The following CALN1 variants were observed in gnomAD, a reference collection of about 807,000 sequenced individuals.
CALN1 encodes calneuron 1.
In CALN1, 17 loss-of-function variants were observed where a neutral mutation model predicts 30.6. The observed-to-expected ratio is 0.56, with a 90% CI of 0.38 to 0.83. The LOEUF (loss-of-function observed/expected upper bound fraction) is 0.83, where lower values mean the gene tolerates loss of function less well. CALN1 is among the 40% of genes least tolerant of loss of function. CALN1 has a pLI of 0.00. For missense variants in CALN1, 291 were observed against 354.9 expected, an observed-to-expected ratio of 0.82 and a Z score of 1.45; for synonymous variants, 156 against 131.4, an observed-to-expected ratio of 1.19 and a Z score of -1.28.
intron 3 of CALN1, among the ~76,000 whole-genome samples, chr7:72,236,011 A>G (rs1212906701): frequency 1.3e-5 from 2 of 149,140 alleles, no homozygotes; most frequent in Non-Finnish European, 3.0e-5. Flanking sequence ...AGGGAGGCAG[A>G]GGAGGGAGGA....
intron 4 of CALN1, among the ~76,000 whole-genome samples, chr7:72,072,682 A>G (rs1423518621): frequency 1.3e-5 from 2 of 152,252 alleles, no homozygotes; most frequent in African/African-American, 4.8e-5. Context: ...TTAAGAGGTT[A>G]ATAATTTTTT....
At chr7:71,837,385 A>G (rs1341579316) in intron 5 of CALN1, among the ~76,000 whole-genome samples, 1 of 152,126 alleles carries the variant, frequency 6.6e-6, no homozygotes, top group Non-Finnish European at 1.5e-5. Flanking sequence ...AAGAATAAAG[A>G]AAACATTGTG....
At chr7:72,357,571 G>C (rs1001108048) in intron 2 of CALN1, among the ~76,000 whole-genome samples, 15 of 151,744 alleles carry the variant, frequency 9.9e-5, no homozygotes, top group Non-Finnish European at 2.9e-5. Context: ...TGAGGTTTTT[G>C]AATGCTTTTA....
At chr7:72,417,892 C>A (rs1807471990) in intron 1 of CALN1, among the ~76,000 whole-genome samples, 3 of 152,204 alleles carry the variant, frequency 2.0e-5, no homozygotes, top group African/African-American at 4.8e-5. Context: ...TAAGTTTCAT[C>A]TGGAGCTCCT....
intron 3 of CALN1, among the ~76,000 whole-genome samples, chr7:72,212,256 G>C (rs1308978992): frequency 6.6e-6 from 1 of 151,852 alleles, no homozygotes; most frequent in Admixed American, 6.6e-5. Context: ...GGCTGAGGCA[G>C]GGGAATTGCC....
At chr7:72,076,156 C>A (rs1362413322) in intron 4 of CALN1, among the ~76,000 whole-genome samples, 1 of 152,002 alleles carries the variant, frequency 6.6e-6, no homozygotes, top group Non-Finnish European at 1.5e-5. Flanking sequence ...TGTGAAACTG[C>A]AACAGCCAAA....
At chr7:72,107,022 AAAAAAGAAAAAGAAAG>A (rs1807220269) in intron 3 of CALN1, among the ~76,000 whole-genome samples, 1 of 150,962 alleles carries the variant, frequency 6.6e-6, no homozygotes. Flanking sequence ...AAGAAAGAGA[AAAAAAGAAAAAGAAAG>A]AAAGAAGGAG....
At chr7:72,349,168 TA>T (rs1385692804) in intron 2 of CALN1, among the ~76,000 whole-genome samples, 1 of 152,054 alleles carries the variant, frequency 6.6e-6, no homozygotes, top group Non-Finnish European at 1.5e-5. Context: ...GAATGCTGGC[TA>T]AAAAAATCTT....
Position 72,218,174 on chromosome 7 carries a change from C to G in CALN1, c.244+60512G>C, listed in dbSNP as rs145051133. On this transcript the variant is annotated intron_variant, in intron 3 of 6. Coordinates refer to ENST00000395275, the MANE Select transcript of CALN1 (RefSeq NM_031468.4). ...TTTTTAAATAACTGTGCAGGCCAGG[C>G]GCAGTGGCTCATGCTTGCAATGCCA... Among the ~76,000 whole-genome samples, 760 of 151,772 alleles carry G rather than the reference C, an allele frequency of 5.0e-3. 8 individuals carry two copies. The highest frequency in any genetic ancestry group is 0.018 in the African/African-American group (729 of 41,456).
At position 71,787,624 on chromosome 7, in the gene CALN1, G is replaced by T; in HGVS notation, c.*151C>A. Reference sequence around the variant, plus strand: ...ATGAAGCTGAAGTGCAACCCCAGTTGCACTCAACCTTGGGTTCTTTACTGA... The same window carrying T: ...ATGAAGCTGAAGTGCAACCCCAGTTTCACTCAACCTTGGGTTCTTTACTGA... On this transcript the variant is annotated 3_prime_UTR_variant, in exon 7 of 7. Transcript: ENST00000395275. 9.4e-7 allele frequency: 1 copy of T among 1,067,072 alleles called. No individual in the cohort carries two copies. Among genetic ancestry groups the T allele is most frequent in the Non-Finnish European group, 1.3e-6 (1 of 763,168 alleles). The allele number at this position is 1,067,072 out of a possible 1,614,324, so 66.1% of individuals were successfully genotyped here. A position where few individuals can be genotyped will look rare whatever the true frequency, so the allele number is the denominator to read the frequency against.
At chr7:72,411,001 G>C (rs1249823402) in intron 1 of CALN1, among the ~76,000 whole-genome samples, 2 of 152,124 alleles carry the variant, frequency 1.3e-5, no homozygotes, top group Admixed American at 6.5e-5. Flanking sequence ...AAATCCCAAA[G>C]AATTCATGAA....
At chr7:72,050,414 T>C (rs981715801) in intron 4 of CALN1, among the ~76,000 whole-genome samples, 1 of 152,160 alleles carries the variant, frequency 6.6e-6, no homozygotes, top group African/African-American at 2.4e-5. Flanking sequence ...GAAACATTTA[T>C]AAAAACAGGA....
chr7:72,069,966 T>G (rs1212658979), intron 4 of CALN1, among the ~76,000 whole-genome samples: 1 of 151,732 alleles, frequency 6.6e-6, no homozygotes, highest in Non-Finnish European at 1.5e-5. Context: ...TCACCAGGAG[T>G]GTCCCTTCCC....
intron 5 of CALN1, among the ~76,000 whole-genome samples, chr7:71,857,016 A>ATGTGTGTG (rs200594767): frequency 1.7e-3 from 239 of 142,318 alleles, no homozygotes; most frequent in Non-Finnish European, 2.6e-3. Context: ...GTGTATATGT[A>ATGTGTGTG]TGTGTGTGTG....
intron 6 of CALN1, among the ~76,000 whole-genome samples, chr7:71,801,420 G>GTATCTATA (rs1469408457): frequency 9.8e-6 from 1 of 102,456 alleles, no homozygotes; most frequent in African/African-American, 3.8e-5. Context: ...ATGTATGTAT[G>GTATCTATA]TATGTATGTA....
chr7:72,125,796 ATTCTTTT>A (rs1808712732), intron 3 of CALN1, among the ~76,000 whole-genome samples: 1 of 93,226 alleles, frequency 1.1e-5, no homozygotes, highest in South Asian at 3.2e-4. Flanking sequence ...CCACTGTATC[ATTCTTTT>A]TTTTTTTTTT....
chr7:71,846,625 T>C (rs1483191714), intron 5 of CALN1, among the ~76,000 whole-genome samples: 1 of 151,720 alleles, frequency 6.6e-6, no homozygotes. Context: ...TTCTACAGGG[T>C]AACCCTCCTT....
At chr7:71,788,937 C>T (rs900254566) in intron 6 of CALN1, among the ~76,000 whole-genome samples, 7 of 151,984 alleles carry the variant, frequency 4.6e-5, no homozygotes, top group South Asian at 2.1e-4. Flanking sequence ...GGATTACAGG[C>T]GTGAGCCACT....
chr7:71,846,540 G>C (rs1456868753), intron 5 of CALN1, among the ~76,000 whole-genome samples: 1 of 151,998 alleles, frequency 6.6e-6, no homozygotes, highest in Admixed American at 6.6e-5. Context: ...GCGTGCGTGT[G>C]TGTGTATAGA....
Sources: allele counts gnomAD v4.1 joint callset (sites outside exome capture counted in the v4.1 genomes callset), GRCh38; gene constraint gnomAD v4.1.1; transcripts MANE v1.5; gene names NCBI Gene and HGNC (gene_info 2026-07-23, HGNC 2026-07-21).